PRIM2: variants seen among roughly 807,000 people sequenced by gnomAD.
The protein encoded by PRIM2 is DNA primase subunit 2, also known as DNA primase large subunit.
In PRIM2, 39 loss-of-function variants were observed where a neutral mutation model predicts 67.3. The ratio of observed to expected loss-of-function variants is 0.58; its 90% CI spans 0.45 to 0.76. PRIM2 has a LOEUF of 0.76. Ranked by LOEUF, PRIM2 falls within the 30% of genes least tolerant of loss-of-function variation. The pLI, the probability that PRIM2 is intolerant of heterozygous loss-of-function variation, is 0.00. For synonymous variants in PRIM2, 143 were observed against 198.7 expected (o/e 0.72, Z 2.36); for missense variants, 398 against 598.7 (o/e 0.66, Z 3.50).
chr6:57,301,533 G>A, the PRIM2 span, among the ~76,000 whole-genome samples: 1 of 152,084 alleles, frequency 6.6e-6, no homozygotes, highest in Non-Finnish European at 1.5e-5. Context: ...TGGGTGCAGT[G>A]GCTCACGCCT....
chr6:57,291,978 G>A, the PRIM2 span, among the ~76,000 whole-genome samples: 1 of 152,050 alleles, frequency 6.6e-6, no homozygotes, highest in Non-Finnish European at 1.5e-5. Context: ...TTCTGCATAG[G>A]GTTGGAAGTT....
In PRIM2 at chr6:57,342,427, G is replaced by A. The variant is rs1293530017; in HGVS notation, c.459+16382G>A. Among the ~76,000 whole-genome samples the A allele has an allele frequency of 2.9e-5, 4 of 139,358 alleles. No homozygotes were observed. In the East Asian group the frequency reaches 8.1e-4, roughly 28 times the overall value. The allele number at this position is 139,358 out of a possible 152,430, so 91.4% of individuals were successfully genotyped here. A position where few individuals can be genotyped will look rare whatever the true frequency, so the allele number is the denominator to read the frequency against. On this transcript the variant is annotated intron_variant, in intron 5 of 13. Coordinates refer to ENST00000615550, the MANE Select transcript of PRIM2 (RefSeq NM_000947.5). Reference sequence around the variant, plus strand: ...GTAAGGTTAAACAGATTCTATTAATGTTTCTTCAGTTGGCCAGTTAGGGAA... The same window carrying A: ...GTAAGGTTAAACAGATTCTATTAATATTTCTTCAGTTGGCCAGTTAGGGAA...
chr6:57,408,222 T>C (rs1473710485), intron 7 of PRIM2, among the ~76,000 whole-genome samples: 1 of 152,202 alleles, frequency 6.6e-6, no homozygotes, highest in East Asian at 1.9e-4. Context: ...GGAGTGGTTT[T>C]AAGGAGCGGA....
chr6:57,534,171 G>A (rs1272208915), intron 9 of PRIM2, among the ~76,000 whole-genome samples: 4 of 152,038 alleles, frequency 2.6e-5, no homozygotes, highest in African/African-American at 9.7e-5. Context: ...CTTTCCCCCC[G>A]AGTTCATATA....
chr6:57,604,839 T>C (rs1158698578), intron 11 of PRIM2, among the ~76,000 whole-genome samples: 2 of 151,844 alleles, frequency 1.3e-5, no homozygotes, highest in Non-Finnish European at 2.9e-5. Context: ...TACAGGTGCC[T>C]GCCGCCATGC....
intron 5 of PRIM2, among the ~76,000 whole-genome samples, chr6:57,376,565 A>G (rs1769771718): frequency 6.6e-6 from 1 of 152,126 alleles, no homozygotes; most frequent in Non-Finnish European, 1.5e-5. Context: ...TTAGAACCAG[A>G]ACGTCCACAC....
Position 57,601,245 on chromosome 6 carries a change from G to A in PRIM2, c.1147+26G>A, listed in dbSNP as rs1358003638. Reference sequence around the variant, plus strand: ...GTAAGTGCCTCCACTGGATATGTTGGCCAAGTACAGAAATCCAAGAGCTCT... The same window carrying A: ...GTAAGTGCCTCCACTGGATATGTTGACCAAGTACAGAAATCCAAGAGCTCT... On this transcript the variant is annotated intron_variant, in intron 11 of 13. Transcript: ENST00000615550. 6 of 1,562,670 alleles carry A rather than the reference G, an allele frequency of 3.8e-6. 1 individual carries two copies. In the East Asian group the frequency reaches 9.2e-5, roughly 24 times the overall value.
At chr6:57,455,386 T>A (rs1772729417) in intron 7 of PRIM2, among the ~76,000 whole-genome samples, 2 of 152,146 alleles carry the variant, frequency 1.3e-5, no homozygotes, top group Non-Finnish European at 2.9e-5. Context: ...GACAGTGGGG[T>A]GTTAAAGTCT....
Position 57,600,336 on chromosome 6 carries a change from GATTATTATTATTATT to G in PRIM2, c.1021-736_1021-722del, listed in dbSNP as rs1190863948. Among the ~76,000 whole-genome samples the G allele has an allele frequency of 5.5e-5, 8 of 146,476 alleles. No individual in the cohort carries two copies. The South Asian group carries it at 8.8e-4, about 16-fold the overall frequency. On this transcript the variant is annotated intron_variant, in intron 10 of 13. Coordinates refer to ENST00000615550, the MANE Select transcript of PRIM2 (RefSeq NM_000947.5). The stretch of plus-strand genomic sequence containing the variant: ...TGTATAGTGGAAATCCAGAGGAAGG[GATTATTATTATTATT>G]ATTATTATTATTATTATTATATTTT...
rs534585242 is a variant in PRIM2, at chr6:57,327,132, C to A, written c.459+1087C>A. 2.0e-5 allele frequency among the ~76,000 whole-genome samples: 3 copies of A among 152,080 alleles called. No homozygotes were observed. In the South Asian group the frequency reaches 6.2e-4, roughly 32 times the overall value. ...GCCAGGGTGGTCTTGAACCCCCTGA[C>A]CTCAGGTGATACACCCGCCTCGGCC... is the stretch of plus-strand genomic sequence containing the variant. On this transcript the variant is annotated intron_variant, in intron 5 of 13. Transcript: ENST00000615550.
the PRIM2 span, among the ~76,000 whole-genome samples, chr6:57,299,815 AAAGTAG>A: frequency 1.4e-4 from 21 of 152,198 alleles, no homozygotes; most frequent in Admixed American, 1.1e-3. Context: ...GTGTGTCTTT[AAAGTAG>A]CAGAACCTTG....
the PRIM2 span, among the ~76,000 whole-genome samples, chr6:57,267,791 C>T: frequency 2.1e-4 from 31 of 151,066 alleles, 2 homozygotes; most frequent in Non-Finnish European, 4.3e-4. Flanking sequence ...ATGCTGGTCT[C>T]GAAAACCTGG....
chr6:57,274,220 C>A, the PRIM2 span, among the ~76,000 whole-genome samples: 3 of 152,250 alleles, frequency 2.0e-5, no homozygotes, highest in Non-Finnish European at 2.9e-5. Flanking sequence ...TGCCCTGCCC[C>A]CAGAGGTGGA....
chr6:57,622,059 T>G (rs1776867314), intron 12 of PRIM2, among the ~76,000 whole-genome samples: 1 of 152,178 alleles, frequency 6.6e-6, no homozygotes, highest in South Asian at 2.1e-4. Flanking sequence ...CAAGCAATTT[T>G]CCTGCCTAAG....
chr6:57,273,521 C>A, the PRIM2 span, among the ~76,000 whole-genome samples: 13 of 152,190 alleles, frequency 8.5e-5, no homozygotes, highest in Admixed American at 2.6e-4. Flanking sequence ...TCTAGTTATG[C>A]ATTCGTATAA....
intron 10 of PRIM2, among the ~76,000 whole-genome samples, chr6:57,568,438 T>C (rs1305342464): frequency 1.3e-5 from 2 of 152,212 alleles, no homozygotes; most frequent in African/African-American, 4.8e-5. Flanking sequence ...CAGGCTTCTG[T>C]GTCAATATTT....
At chr6:57,288,709 G>T in the PRIM2 span, among the ~76,000 whole-genome samples, 1 of 152,150 alleles carries the variant, frequency 6.6e-6, no homozygotes, top group East Asian at 1.9e-4. Flanking sequence ...CAGCTGAGGG[G>T]CCTGACTGTT....
chr6:57,586,358 G>A (rs1346181592), intron 10 of PRIM2, among the ~76,000 whole-genome samples: 5 of 152,256 alleles, frequency 3.3e-5, no homozygotes, highest in East Asian at 1.9e-4. Flanking sequence ...GTTGGGTTGG[G>A]TGAGAGAAAT....
intron 7 of PRIM2, among the ~76,000 whole-genome samples, chr6:57,412,830 T>C (rs1351848741): frequency 2.0e-5 from 3 of 152,082 alleles, no homozygotes; most frequent in African/African-American, 7.2e-5. Context: ...GGCATAAGGC[T>C]ATATAAAATC....
Sources: allele counts gnomAD v4.1 joint callset (sites outside exome capture counted in the v4.1 genomes callset), GRCh38; gene constraint gnomAD v4.1.1; transcripts MANE v1.5; gene names NCBI Gene and HGNC (gene_info 2026-07-23, HGNC 2026-07-21).